MNAT1: variants seen among roughly 807,000 people sequenced by gnomAD.
MNAT1 encodes CDK-activating kinase assembly factor MAT1.
Under a neutral mutation model 42.0 loss-of-function variants are expected in MNAT1, and 43 were observed. That is an observed-to-expected ratio of 1.02 (90% CI 0.80 to 1.32). The LOEUF is 1.32. MNAT1 is among the 40% of genes most tolerant of loss of function. MNAT1 has a pLI of 0.00. For missense variants in MNAT1, 306 were observed against 350.4 expected, an observed-to-expected ratio of 0.87 and a Z score of 1.01; for synonymous variants, 118 against 120.0, an observed-to-expected ratio of 0.98 and a Z score of 0.11.
chr14:60,763,301 G>A (rs1342864870), intron 1 of MNAT1, among the ~76,000 whole-genome samples: 1 of 152,160 alleles, frequency 6.6e-6, no homozygotes, highest in Non-Finnish European at 1.5e-5. Context: ...AAATGCAGCA[G>A]CTACAACCTA....
At chr14:60,949,025 T>A (rs1223075624) in intron 7 of MNAT1, among the ~76,000 whole-genome samples, 1 of 152,214 alleles carries the variant, frequency 6.6e-6, no homozygotes. Flanking sequence ...TTACAAAGCA[T>A]TTAAAATTTA....
chr14:60,839,519 C>T (rs895630669), intron 6 of MNAT1, among the ~76,000 whole-genome samples: 3 of 152,158 alleles, frequency 2.0e-5, no homozygotes, highest in East Asian at 1.9e-4. Flanking sequence ...AGGTGAATGG[C>T]GGGACTGAAA....
At chr14:60,794,484 G>T (rs906971177) in intron 1 of MNAT1, among the ~76,000 whole-genome samples, 1 of 151,224 alleles carries the variant, frequency 6.6e-6, no homozygotes, top group Non-Finnish European at 1.5e-5. Context: ...GAGCAACATG[G>T]GGAGTCCCAG....
Position 60,750,395 on chromosome 14 carries a change from C to CT in MNAT1, c.89+15450dup, listed in dbSNP as rs529893411. Among the ~76,000 whole-genome samples, 24 of 151,468 alleles carry CT rather than the reference C, an allele frequency of 1.6e-4. 1 individual carries two copies. On this transcript the variant is annotated intron_variant, in intron 1 of 7. Coordinates refer to ENST00000261245, the MANE Select transcript of MNAT1 (RefSeq NM_002431.4). Reference sequence around the variant, plus strand: ...GCATCTGCCACCACGCCCGGCCAATCTTTTTTGTATTTTATTAGTAGAGAT... The same window carrying CT: ...GCATCTGCCACCACGCCCGGCCAATCTTTTTTTGTATTTTATTAGTAGAGAT...
chr14:60,882,840 T>C (rs2034580689), intron 7 of MNAT1, among the ~76,000 whole-genome samples: 1 of 152,164 alleles, frequency 6.6e-6, no homozygotes, highest in African/African-American at 2.4e-5. Context: ...ACTGGTGATG[T>C]TGAGCATTTT....
At chr14:60,799,342 C>G (rs1207494916) in intron 3 of MNAT1, 2 of 985,098 alleles carry the variant, frequency 2.0e-6, no homozygotes, top group Non-Finnish European at 2.4e-6. Context: ...AGAATGTAGA[C>G]TGAGAAGAAA....
intron 1 of MNAT1, among the ~76,000 whole-genome samples, chr14:60,746,923 TACAC>T (rs61278549): frequency 0.019 from 475 of 25,340 alleles, 31 homozygotes; most frequent in African/African-American, 0.038. Flanking sequence ...TATATATATA[TACAC>T]ACACACACAC....
intron 7 of MNAT1, among the ~76,000 whole-genome samples, chr14:60,902,582 C>T (rs959109856): frequency 6.6e-6 from 1 of 151,968 alleles, no homozygotes; most frequent in Non-Finnish European, 1.5e-5. Context: ...AGTAATGAAA[C>T]ATCAAAAGCC....
intron 1 of MNAT1, among the ~76,000 whole-genome samples, chr14:60,748,681 C>T (rs766982158): frequency 5.3e-5 from 8 of 152,162 alleles, no homozygotes; most frequent in Non-Finnish European, 1.0e-4. Flanking sequence ...GGAGAGTCTT[C>T]GAGAGCAATA....
chr14:60,957,242 A>G (rs1014125051), intron 7 of MNAT1, among the ~76,000 whole-genome samples: 1 of 152,198 alleles, frequency 6.6e-6, no homozygotes, highest in African/African-American at 2.4e-5. Context: ...AAAACATACA[A>G]AAACTTACTT....
chr14:60,744,451 T>A (rs1247158933), intron 1 of MNAT1, among the ~76,000 whole-genome samples: 1 of 152,210 alleles, frequency 6.6e-6, no homozygotes, highest in Admixed American at 6.5e-5. Flanking sequence ...TTGGTTTCTA[T>A]TGACTGCTTT....
In MNAT1 at chr14:60,841,609, T is replaced by A. The variant is rs151171610; in HGVS notation, c.687+22762T>A. Among the ~76,000 whole-genome samples the A allele has an allele frequency of 3.7e-4, 56 of 152,346 alleles. 1 individual carries two copies. The East Asian group carries it at 9.8e-3, about 27-fold the overall frequency. ...TCCTGCTAATTTCACATTTCTGTCCTTTCTGAGTCTGCTTCTATTGACTGA... is the reference window on the plus strand; with the variant it reads ...TCCTGCTAATTTCACATTTCTGTCCATTCTGAGTCTGCTTCTATTGACTGA... On this transcript the variant is annotated intron_variant, in intron 6 of 7. Coordinates refer to ENST00000261245, the MANE Select transcript of MNAT1 (RefSeq NM_002431.4).
intron 1 of MNAT1, among the ~76,000 whole-genome samples, chr14:60,759,919 T>A (rs1346584632): frequency 6.6e-6 from 1 of 152,314 alleles, no homozygotes; most frequent in African/African-American, 2.4e-5. Flanking sequence ...CAGTTTTTAC[T>A]TATTTAAAGT....
chr14:60,855,994 G>A (rs1319500157), intron 6 of MNAT1, among the ~76,000 whole-genome samples: 1 of 151,982 alleles, frequency 6.6e-6, no homozygotes, highest in African/African-American at 2.4e-5. Flanking sequence ...TTTAAAATAG[G>A]CCAATTAACA....
At chr14:60,920,410 A>T (rs1428158847) in intron 7 of MNAT1, among the ~76,000 whole-genome samples, 2 of 151,698 alleles carry the variant, frequency 1.3e-5, no homozygotes, top group African/African-American at 2.4e-5. Context: ...TCCATTATGG[A>T]TTGAAAACAG....
intron 6 of MNAT1, among the ~76,000 whole-genome samples, chr14:60,859,813 A>G (rs2139431647): frequency 6.6e-6 from 1 of 152,322 alleles, no homozygotes; most frequent in South Asian, 2.1e-4. Flanking sequence ...ATCACTCTTA[A>G]AACTCATAGT....
At chr14:60,838,669 T>G (rs932945366) in intron 6 of MNAT1, among the ~76,000 whole-genome samples, 1 of 151,934 alleles carries the variant, frequency 6.6e-6, no homozygotes, top group Non-Finnish European at 1.5e-5. Context: ...CGCCCCATTC[T>G]GAGATGGTGG....
At chr14:60,782,905 T>C (rs1352797476) in intron 1 of MNAT1, among the ~76,000 whole-genome samples, 1 of 152,244 alleles carries the variant, frequency 6.6e-6, no homozygotes, top group Admixed American at 6.5e-5. Flanking sequence ...GACATAACTT[T>C]GTTCTGTTGT....
intron 6 of MNAT1, among the ~76,000 whole-genome samples, chr14:60,836,209 A>G (rs1362095864): frequency 6.6e-6 from 1 of 151,992 alleles, no homozygotes; most frequent in Admixed American, 6.6e-5. Context: ...GGAGTTTGTT[A>G]TTATCCACCT....
Sources: allele counts gnomAD v4.1 joint callset (sites outside exome capture counted in the v4.1 genomes callset), GRCh38; gene constraint gnomAD v4.1.1; transcripts MANE v1.5; gene names NCBI Gene and HGNC (gene_info 2026-07-23, HGNC 2026-07-21).